Variants in DMXL1 observed in about 807,000 individuals in gnomAD.
DMXL1 encodes Dmx like 1.
Under a neutral mutation model 319.2 loss-of-function variants are expected in DMXL1, and 99 were observed. The observed-to-expected ratio is 0.31, with a 90% CI of 0.26 to 0.37. DMXL1 has a LOEUF of 0.37. DMXL1 is among the 10% of genes least tolerant of loss of function. The probability of loss-of-function intolerance (pLI) is 1.00; values close to 1 mark genes in which losing one functional copy is unlikely to be tolerated. For synonymous variants in DMXL1, 1,385 were observed against 1,235.2 expected (o/e 1.12, Z -2.54); for missense variants, 3,745 against 3,595.6 (o/e 1.04, Z -1.06).
intron 5 of DMXL1, among the ~76,000 whole-genome samples, chr5:119,112,881 C>G (rs148124418): frequency 6.7e-6 from 1 of 150,324 alleles, no homozygotes; most frequent in Non-Finnish European, 1.5e-5. Flanking sequence ...AGCTTGAACC[C>G]GGTGGTGGAG....
At chr5:119,178,824 A>G (rs1776296122) in intron 28 of DMXL1, 3 of 186,710 alleles carry the variant, frequency 1.6e-5, no homozygotes, top group African/African-American at 7.1e-5. Context: ...TGATCAAGCC[A>G]TATTTTTGAT....
intron 35 of DMXL1, among the ~76,000 whole-genome samples, chr5:119,218,451 C>T (rs188802939): frequency 2.0e-5 from 3 of 151,150 alleles, no homozygotes; most frequent in Non-Finnish European, 4.4e-5. Flanking sequence ...TTTTATTTTA[C>T]TTTATTTTAT....
At chr5:119,176,292 T>C (rs960627956) in intron 26 of DMXL1, among the ~76,000 whole-genome samples, 5 of 152,064 alleles carry the variant, frequency 3.3e-5, no homozygotes, top group Non-Finnish European at 4.4e-5. Flanking sequence ...TTGTTGAGTT[T>C]GTTATTTCTT....
chr5:119,166,005 A>G (rs1773366437), intron 21 of DMXL1, among the ~76,000 whole-genome samples: 1 of 152,160 alleles, frequency 6.6e-6, no homozygotes, highest in Non-Finnish European at 1.5e-5. Flanking sequence ...GGGCCAGCCT[A>G]CCCCACAAAA....
rs1293915286 is a variant in DMXL1 at position 119,080,100 on chromosome 5, A to T, written c.87+8444A>T. On this transcript the variant is annotated intron_variant, in intron 1 of 43. Transcript: ENST00000539542. ...TGTTCTGCACGCCTGTAATCCCAGC[A>T]CTTTGGGAGGCTGAGGCGGGTGGAT... Among the ~76,000 whole-genome samples the T allele has an allele frequency of 2.0e-5, 3 of 152,208 alleles. No individual in the cohort carries two copies. The East Asian group carries it at 5.8e-4, about 29-fold the overall frequency.
chr5:119,194,012 G>T (rs575618589), intron 30 of DMXL1, 42 bp downstream of exon 30: 1 of 1,349,492 alleles, frequency 7.4e-7, no homozygotes. Context: ...AAAAATAATG[G>T]TGTATATAAA....
chr5:119,217,266 A>G (rs995227993), intron 35 of DMXL1, among the ~76,000 whole-genome samples: 3 of 152,180 alleles, frequency 2.0e-5, no homozygotes, highest in African/African-American at 4.8e-5. Flanking sequence ...ACAATGTACT[A>G]TAGTAGTTAA....
At chr5:119,207,022 TCTC>T in intron 34 of DMXL1, 126 bp downstream of exon 34, 1 of 567,264 alleles carries the variant, frequency 1.8e-6, no homozygotes, top group Non-Finnish European at 3.0e-6. Flanking sequence ...CTCAAATTAT[TCTC>T]CTTTTATTTT....
chr5:119,208,571 A>G (rs1390564689), intron 34 of DMXL1, among the ~76,000 whole-genome samples: 2 of 152,226 alleles, frequency 1.3e-5, no homozygotes, highest in African/African-American at 2.4e-5. Context: ...TAAAATGCTA[A>G]TAATCATAAT....
At chr5:119,130,164 AAAATC>A (rs1206004016) in intron 10 of DMXL1, among the ~76,000 whole-genome samples, 3 of 152,118 alleles carry the variant, frequency 2.0e-5, no homozygotes, top group African/African-American at 4.8e-5. Flanking sequence ...TTAGGTAAGA[AAAATC>A]AAACAGGTAC....
intron 10 of DMXL1, among the ~76,000 whole-genome samples, chr5:119,131,487 C>T (rs770762963): frequency 1.3e-5 from 2 of 152,150 alleles, no homozygotes; most frequent in Non-Finnish European, 2.9e-5. Context: ...ATGTAGCATA[C>T]TGAGGTTTGG....
chr5:119,147,438 G>C lies in DMXL1; in HGVS notation c.2879G>C (p.Gly960Ala). The part of the protein sequence containing the change: ...VYSQELHLPE[G>A]VEIISIKPSA... ...AGCCAAGAATTGCATTTACCAGAAGGAGTTGAGATAATAAGTATTAAGCCA... is the reference window on the plus strand; with the variant it reads ...AGCCAAGAATTGCATTTACCAGAAGCAGTTGAGATAATAAGTATTAAGCCA... The change falls in exon 17 of 44, where the codon GGA becomes GCA. Residue 960 changes from glycine to alanine, a missense_variant. Coordinates refer to ENST00000539542, the MANE Select transcript of DMXL1 (RefSeq NM_001290321.3). 1 of 1,613,382 alleles carries C rather than the reference G, an allele frequency of 6.2e-7. No homozygotes were observed. The highest frequency in any genetic ancestry group is 1.1e-5 in the South Asian group (1 of 91,050).
intron 9 of DMXL1, chr5:119,128,293 A>G: frequency 3.3e-6 from 1 of 301,656 alleles, no homozygotes; most frequent in Admixed American, 3.7e-5. Context: ...CACTGCCATA[A>G]GTATGAATTC....
chr5:119,093,003 T>C (rs1356678295), intron 1 of DMXL1, among the ~76,000 whole-genome samples: 1 of 152,188 alleles, frequency 6.6e-6, no homozygotes, highest in Non-Finnish European at 1.5e-5. Flanking sequence ...TTTTCTTGAA[T>C]ACAGGCATAT....
At chr5:119,152,884 T>C (rs761968559) in intron 19 of DMXL1, among the ~76,000 whole-genome samples, 2 of 152,228 alleles carry the variant, frequency 1.3e-5, no homozygotes, top group Non-Finnish European at 2.9e-5. Context: ...TATGTCTCTG[T>C]CTCTTTGTTT....
intron 4 of DMXL1, among the ~76,000 whole-genome samples, chr5:119,107,452 A>G (rs1318101687): frequency 1.3e-5 from 2 of 152,074 alleles, no homozygotes; most frequent in African/African-American, 2.4e-5. Context: ...TTAATATTTT[A>G]TGTTGCCTAA....
chr5:119,242,229 C>G (rs1374255985), intron 42 of DMXL1, among the ~76,000 whole-genome samples: 1 of 152,130 alleles, frequency 6.6e-6, no homozygotes, highest in East Asian at 1.9e-4. Flanking sequence ...TCCAATATAT[C>G]TATTGAATAA....
chr5:119,122,389 G>A (rs1329382998), intron 9 of DMXL1, among the ~76,000 whole-genome samples: 50 of 150,542 alleles, frequency 3.3e-4, no homozygotes, highest in African/African-American at 4.1e-4. Context: ...AGGGGCGACC[G>A]GGCAGAGGCG....
chr5:119,189,998 A>G, intron 29 of DMXL1, 112 bp downstream of exon 29: 2 of 993,676 alleles, frequency 2.0e-6, no homozygotes, highest in South Asian at 1.8e-5. Context: ...TGGTTTAGAA[A>G]ATTTTCATTA....
Sources: allele counts gnomAD v4.1 joint callset (sites outside exome capture counted in the v4.1 genomes callset), GRCh38; gene constraint gnomAD v4.1.1; transcripts MANE v1.5; gene names NCBI Gene and HGNC (gene_info 2026-07-23, HGNC 2026-07-21).